Variants in MDGA2 observed in about 807,000 individuals in gnomAD.
The protein encoded by MDGA2 is MAM domain containing glycosylphosphatidylinositol anchor 2.
A neutral mutation model predicts 117.8 loss-of-function variants in MDGA2; 40 were observed. The observed-to-expected ratio is 0.34, with a 90% confidence interval of 0.26 to 0.44. The LOEUF is 0.44. MDGA2 is among the 20% of genes least tolerant of loss of function. MDGA2 has a pLI of 1.00. For missense variants in MDGA2, 1,123 were observed against 1,250.6 expected (o/e 0.90, Z 1.54); for synonymous variants, 452 against 439.0 (o/e 1.03, Z -0.37).
At chr14:46,860,045 ATTTTC>A (rs948335834) in intron 14 of MDGA2, among the ~76,000 whole-genome samples, 2 of 152,010 alleles carry the variant, frequency 1.3e-5, no homozygotes, top group African/African-American at 4.8e-5. Context: ...TTTTAAAGAA[ATTTTC>A]TTTAATTATT....
intron 3 of MDGA2, among the ~76,000 whole-genome samples, chr14:47,192,221 G>A (rs1885140608): frequency 2.6e-5 from 4 of 152,128 alleles, no homozygotes; most frequent in South Asian, 4.1e-4. Flanking sequence ...GTATGGGACC[G>A]AACGAGGTGG....
chr14:46,897,341 T>C (rs1204195435), intron 10 of MDGA2, among the ~76,000 whole-genome samples: 1 of 152,148 alleles, frequency 6.6e-6, no homozygotes, highest in Non-Finnish European at 1.5e-5. Context: ...ATCAAAGATT[T>C]CTTAACGCAT....
intron 3 of MDGA2, among the ~76,000 whole-genome samples, chr14:47,160,054 C>T (rs72680224): frequency 6.6e-6 from 1 of 151,950 alleles, no homozygotes; most frequent in Admixed American, 6.5e-5. Flanking sequence ...TGTGTCACTT[C>T]GAGGTCTAAT....
chr14:47,279,991 C>T (rs928847087), intron 2 of MDGA2, among the ~76,000 whole-genome samples: 2 of 151,822 alleles, frequency 1.3e-5, no homozygotes, highest in Non-Finnish European at 2.9e-5. Flanking sequence ...CCTCAGCCTC[C>T]TAGTTTTTGA....
At chr14:47,018,827 C>G (rs530014579) in intron 8 of MDGA2, among the ~76,000 whole-genome samples, 47 of 122,870 alleles carry the variant, frequency 3.8e-4, no homozygotes, top group African/African-American at 1.2e-3. Context: ...ACATTCACAT[C>G]TATACCTATT....
At chr14:46,989,507 GCTAGTA>G (rs1292529353) in intron 8 of MDGA2, among the ~76,000 whole-genome samples, 5 of 152,012 alleles carry the variant, frequency 3.3e-5, no homozygotes, top group African/African-American at 1.2e-4. Context: ...ATTATACAAT[GCTAGTA>G]CTATCATAGG....
At chr14:47,403,530 G>A (rs1010675886) in intron 1 of MDGA2, among the ~76,000 whole-genome samples, 5 of 152,046 alleles carry the variant, frequency 3.3e-5, no homozygotes, top group African/African-American at 1.2e-4. Flanking sequence ...CAAATCACAG[G>A]CAAATGCCAA....
At chr14:47,346,361 G>C (rs2138337420) in intron 1 of MDGA2, among the ~76,000 whole-genome samples, 1 of 152,226 alleles carries the variant, frequency 6.6e-6, no homozygotes, top group Non-Finnish European at 1.5e-5. Flanking sequence ...TAATCTGCTA[G>C]GCATCATATA....
intron 1 of MDGA2, among the ~76,000 whole-genome samples, chr14:47,642,131 T>G (rs1209529515): frequency 6.6e-6 from 1 of 152,084 alleles, no homozygotes; most frequent in Admixed American, 6.6e-5. Context: ...ACTACTTTAT[T>G]TATGAATAAG....
At chr14:47,160,655 A>G (rs1883596585) in intron 3 of MDGA2, among the ~76,000 whole-genome samples, 1 of 152,184 alleles carries the variant, frequency 6.6e-6, no homozygotes, top group Non-Finnish European at 1.5e-5. Flanking sequence ...ACAGAGCGAG[A>G]CCTGTCTCTA....
intron 1 of MDGA2, among the ~76,000 whole-genome samples, chr14:47,327,934 T>C (rs1175152417): frequency 6.6e-6 from 1 of 152,192 alleles, no homozygotes; most frequent in Non-Finnish European, 1.5e-5. Flanking sequence ...AATCTAAAAG[T>C]GTCTCACTCT....
At chr14:47,593,353 CCATTTGA>C (rs1241134211) in intron 1 of MDGA2, among the ~76,000 whole-genome samples, 1 of 152,128 alleles carries the variant, frequency 6.6e-6, no homozygotes, top group Non-Finnish European at 1.5e-5. Context: ...ACCAGAAATA[CCATTTGA>C]CCCATCAATC....
intron 1 of MDGA2, among the ~76,000 whole-genome samples, chr14:47,588,190 A>G (rs1015154547): frequency 2.0e-5 from 3 of 148,896 alleles, no homozygotes; most frequent in African/African-American, 7.4e-5. Flanking sequence ...ACAGTCATAT[A>G]CAAATTTTGT....
intron 1 of MDGA2, among the ~76,000 whole-genome samples, chr14:47,634,423 G>C (rs941627045): frequency 1.3e-5 from 2 of 151,892 alleles, no homozygotes; most frequent in African/African-American, 2.4e-5. Context: ...AACTGTGTAA[G>C]CTCACTTAAT....
intron 1 of MDGA2, among the ~76,000 whole-genome samples, chr14:47,576,386 T>C (rs1400921594): frequency 6.6e-6 from 1 of 152,194 alleles, no homozygotes; most frequent in Non-Finnish European, 1.5e-5. Context: ...AATAGAGAGA[T>C]TCCTTCCACA....
Position 46,898,823 on chromosome 14 carries a change from T to C in MDGA2, c.2239-16602A>G, listed in dbSNP as rs563966280. Among the ~76,000 whole-genome samples the C allele has an allele frequency of 9.9e-5, 15 of 152,150 alleles. No individual in the cohort carries two copies. The East Asian group carries it at 2.3e-3, about 23-fold the overall frequency. On this transcript the variant is annotated intron_variant, in intron 10 of 16. Transcript: ENST00000399232. ...GACAACTGACTAAGAACAAAGGGTGTCAATCTTTTTAATCATATAGATGGC... is the reference window on the plus strand; with the variant it reads ...GACAACTGACTAAGAACAAAGGGTGCCAATCTTTTTAATCATATAGATGGC...
chr14:46,999,729 C>A (rs1887436017), intron 8 of MDGA2, among the ~76,000 whole-genome samples: 1 of 152,062 alleles, frequency 6.6e-6, no homozygotes, highest in Non-Finnish European at 1.5e-5. Flanking sequence ...AGGCACTCCT[C>A]CACCCCCTTT....
intron 8 of MDGA2, among the ~76,000 whole-genome samples, chr14:46,995,311 C>T (rs558857613): frequency 6.6e-6 from 1 of 151,994 alleles, no homozygotes; most frequent in African/African-American, 2.4e-5. Flanking sequence ...ATAGACTGGG[C>T]AGAATCCTGA....
At chr14:47,664,049 G>A (rs755136394) in intron 1 of MDGA2, among the ~76,000 whole-genome samples, 33 of 152,244 alleles carry the variant, frequency 2.2e-4, no homozygotes, top group Non-Finnish European at 1.8e-4. Context: ...TCTCAAATGA[G>A]GGGGAGGATG....
Sources: gnomAD v4.1 joint callset for allele counts (sites outside exome capture counted in the v4.1 genomes callset) on GRCh38, gnomAD v4.1.1 for gene constraint, MANE v1.5 for transcripts, NCBI Gene and HGNC (gene_info 2026-07-23, HGNC 2026-07-21) for gene names.